Variants in CASD1 observed in about 807,000 individuals in gnomAD.
CASD1 encodes N-acetylneuraminate (7)9-O-acetyltransferase.
A neutral mutation model predicts 100.0 loss-of-function variants in CASD1; 41 were observed. The observed-to-expected ratio is 0.41, with a 90% CI of 0.32 to 0.53. The LOEUF is 0.53. Ranked by LOEUF, CASD1 falls within the 20% of genes least tolerant of loss-of-function variation. CASD1 has a pLI of 0.25. For missense variants in CASD1, 774 were observed against 948.7 expected, an observed-to-expected ratio of 0.82 and a Z score of 2.42; for synonymous variants, 321 against 315.6, an observed-to-expected ratio of 1.02 and a Z score of -0.18.
intron 10 of CASD1, among the ~76,000 whole-genome samples, chr7:94,539,668 CAAAAAA>C (rs71120400): frequency 1.3e-4 from 16 of 119,756 alleles, no homozygotes; most frequent in Admixed American, 4.1e-4. Flanking sequence ...GACTCCGTCT[CAAAAAA>C]AAAAAAAAAA....
At chr7:94,525,985 G>A (rs1200112064) in intron 3 of CASD1, among the ~76,000 whole-genome samples, 2 of 152,096 alleles carry the variant, frequency 1.3e-5, no homozygotes, top group East Asian at 1.9e-4. Context: ...CATTCTTTAT[G>A]TAGAACATTT....
chr7:94,566,622 A>G, the CASD1 span, among the ~76,000 whole-genome samples: 315 of 152,280 alleles, frequency 2.1e-3, 9 homozygotes, highest in East Asian at 0.054. Context: ...CATTACATAA[A>G]TAGTTTAACT....
At chr7:94,603,379 A>G in the CASD1 span, 16 of 1,612,978 alleles carry the variant, frequency 9.9e-6, no homozygotes, top group Middle Eastern at 1.6e-4. Context: ...CTACATCTCA[A>G]TTGATTCTGT....
At chr7:94,579,114 A>G in the CASD1 span, among the ~76,000 whole-genome samples, 1 of 151,936 alleles carries the variant, frequency 6.6e-6, no homozygotes, top group Non-Finnish European at 1.5e-5. Context: ...TTTATTCACC[A>G]GTGCATAGTT....
intron 16 of CASD1, among the ~76,000 whole-genome samples, chr7:94,553,394 C>T (rs1796041851): frequency 6.6e-6 from 1 of 152,114 alleles, no homozygotes. Context: ...GATGCTATTG[C>T]CCATGAGAAT....
chr7:94,584,614 A>C, the CASD1 span, among the ~76,000 whole-genome samples: 32 of 152,282 alleles, frequency 2.1e-4, no homozygotes, highest in Middle Eastern at 3.4e-3. Context: ...TGACACAAAA[A>C]TTTGCCCAAA....
chr7:94,605,317 C>G, the CASD1 span, among the ~76,000 whole-genome samples: 1 of 149,700 alleles, frequency 6.7e-6, no homozygotes, highest in Non-Finnish European at 1.5e-5. Flanking sequence ...TGATATAAGT[C>G]AGAAACTCAG....
At chr7:94,603,279 T>C in the CASD1 span, 1 of 1,607,972 alleles carries the variant, frequency 6.2e-7, no homozygotes, top group Non-Finnish European at 8.5e-7. Context: ...AAAAACAAAA[T>C]AAAAACTTAC....
chr7:94,606,027 C>A, the CASD1 span, among the ~76,000 whole-genome samples: 1 of 151,976 alleles, frequency 6.6e-6, no homozygotes, highest in African/African-American at 2.4e-5. Flanking sequence ...TGGGTTTTCA[C>A]CATGTTGGCT....
the CASD1 span, chr7:94,627,688 A>G: frequency 6.5e-6 from 1 of 154,412 alleles, no homozygotes; most frequent in South Asian, 2.0e-4. Flanking sequence ...CCTTCTTACT[A>G]TAGCAGTTAT....
chr7:94,545,632 ACTGTATGGT>A lies in CASD1; in HGVS notation c.1565_1573del (p.Thr522_Phe525delinsIle). The A allele has an allele frequency of 6.2e-7, 1 of 1,611,726 alleles. No individual in the cohort carries two copies. Among genetic ancestry groups the A allele is most frequent in the Non-Finnish European group, 8.5e-7 (1 of 1,178,274 alleles). On this transcript the variant is annotated inframe_deletion, in exon 12 of 18. Transcript: ENST00000297273. ...ATTCTATTACTTTGTCCCCTTGGTC[ACTGTATGGT>A]TCATGGTCATATATGTTACTTTAGC...
intron 10 of CASD1, among the ~76,000 whole-genome samples, chr7:94,541,181 G>A (rs1315788166): frequency 6.6e-6 from 1 of 151,848 alleles, no homozygotes; most frequent in Non-Finnish European, 1.5e-5. Context: ...TATCTACATA[G>A]GCAAAACATT....
intron 5 of CASD1, among the ~76,000 whole-genome samples, chr7:94,531,263 C>T (rs1269740506): frequency 6.6e-6 from 1 of 151,836 alleles, no homozygotes; most frequent in Admixed American, 6.6e-5. Flanking sequence ...ATCATAGCTC[C>T]AGAAGTGAAA....
At chr7:94,574,934 C>T in the CASD1 span, among the ~76,000 whole-genome samples, 2 of 152,182 alleles carry the variant, frequency 1.3e-5, no homozygotes, top group Non-Finnish European at 2.9e-5. Flanking sequence ...CATGCCACTG[C>T]ACTCCAGCCT....
At chr7:94,553,786 T>TTAAATAAATAAATAAATAAA (rs71120402) in intron 16 of CASD1, 177 of 141,970 alleles carry the variant, frequency 1.2e-3, no homozygotes, top group Non-Finnish European at 1.1e-3. Context: ...ACCCTAGAAC[T>TTAAATAAATAAATAAATAAA]TAAATAAATA....
the CASD1 span, among the ~76,000 whole-genome samples, chr7:94,571,976 A>G: frequency 6.6e-6 from 1 of 152,072 alleles, no homozygotes; most frequent in African/African-American, 2.4e-5. Context: ...TCTAGGAAAC[A>G]TAGAAGTGGT....
At chr7:94,524,725 G>C (rs868272891) in intron 3 of CASD1, among the ~76,000 whole-genome samples, 4 of 152,202 alleles carry the variant, frequency 2.6e-5, no homozygotes, top group African/African-American at 9.6e-5. Context: ...TATTTTATCA[G>C]TTGACCTGTA....
intron 2 of CASD1, among the ~76,000 whole-genome samples, chr7:94,517,869 G>A (rs955303061): frequency 6.6e-6 from 1 of 152,142 alleles, no homozygotes; most frequent in African/African-American, 2.4e-5. Context: ...GTGATAACTA[G>A]GCCTAAGGCA....
chr7:94,553,372 T>G (rs1467971565), intron 16 of CASD1, among the ~76,000 whole-genome samples: 1 of 152,142 alleles, frequency 6.6e-6, no homozygotes, highest in East Asian at 1.9e-4. Flanking sequence ...AGATTTAAAC[T>G]TGAGTCTTTT....
Sources: gnomAD v4.1 joint callset for allele counts (sites outside exome capture counted in the v4.1 genomes callset) on GRCh38, gnomAD v4.1.1 for gene constraint, MANE v1.5 for transcripts, NCBI Gene and HGNC (gene_info 2026-07-23, HGNC 2026-07-21) for gene names.